The following SLC1A7 variants were observed in gnomAD, a reference collection of about 807,000 sequenced individuals.
The protein encoded by SLC1A7 is solute carrier family 1 member 7.
A neutral mutation model predicts 47.7 loss-of-function variants in SLC1A7; 40 were observed. The ratio of observed to expected loss-of-function variants is 0.84; its 90% CI spans 0.65 to 1.09. The LOEUF is 1.09. Ranked by LOEUF, SLC1A7 falls within the 50% of genes least tolerant of loss-of-function variation. The pLI is 0.00. For missense variants in SLC1A7, 746 were observed against 769.5 expected (o/e 0.97, Z 0.36); for synonymous variants, 323 against 325.6 (o/e 0.99, Z 0.09).
In SLC1A7 at chr1:53,103,558, T is replaced by A. The variant is rs114930372; in HGVS notation, c.485A>T (p.Lys162Met). The A allele has an allele frequency of 0.035, 55,103 of 1,596,862 alleles. 1,138 individuals are homozygous for A. Among genetic ancestry groups the A allele is most frequent in the Middle Eastern group, 0.046 (270 of 5,900 alleles). ...VEATFKQYRT[K>M]TTPVVKSPKV... Reference sequence around the variant, plus strand: ...GGGGGACTTGACAACTGGGGTGGTCTTGGTGCGGTACTGGTGGGTGACACC... The same window carrying A: ...GGGGGACTTGACAACTGGGGTGGTCATGGTGCGGTACTGGTGGGTGACACC... The change falls in exon 5 of 11, where the codon AAG becomes ATG. Residue 162 changes from lysine (K) to methionine (M), a missense_variant. Physicochemically the swap from Lys to Met is moderately conservative, Grantham distance 95. Transcript: ENST00000371494.
rs573818851 is a variant in SLC1A7 at position 53,139,353 on chromosome 1, G to A, written c.135+2962C>T. On this transcript the variant is annotated intron_variant, in intron 1 of 10. Coordinates refer to ENST00000371494, the MANE Select transcript of SLC1A7 (RefSeq NM_006671.6). Reference sequence around the variant, plus strand: ...GCTCAGCTGACAGCGATCTGAAACCGTGCTGGGGACCCCACTCAGACAAGG... The same window carrying A: ...GCTCAGCTGACAGCGATCTGAAACCATGCTGGGGACCCCACTCAGACAAGG... 1.1e-4 allele frequency among the ~76,000 whole-genome samples: 16 copies of A among 152,342 alleles called. No homozygotes were observed. The South Asian group carries it at 2.3e-3, about 22-fold the overall frequency.
At chr1:53,128,069 C>G (rs1480633273) in intron 2 of SLC1A7, among the ~76,000 whole-genome samples, 1 of 152,172 alleles carries the variant, frequency 6.6e-6, no homozygotes, top group East Asian at 1.9e-4. Flanking sequence ...CACAGAGAAC[C>G]AGGAGATAAC....
chr1:53,108,681 C>T (rs1203124786), intron 3 of SLC1A7: 1 of 717,176 alleles, frequency 1.4e-6, no homozygotes, highest in East Asian at 2.7e-5. Flanking sequence ...CTTCATGGAC[C>T]ATGAGACTCA....
rs575918953 is a variant in SLC1A7 at position 53,124,820 on chromosome 1, G to A, written c.215+9530C>T. The stretch of plus-strand genomic sequence containing the variant: ...TCTAGCAGCCTCCCAAGTGCCTTGT[G>A]ACAGGCAAAAGACTTTGCAAACTCT... On this transcript the variant is annotated intron_variant, in intron 2 of 10. Transcript: ENST00000371494. Among the ~76,000 whole-genome samples the A allele has an allele frequency of 6.6e-5, 10 of 152,328 alleles. No homozygotes were observed. In the East Asian group the frequency reaches 1.7e-3, roughly 26 times the overall value.
At chr1:53,106,952 T>C (rs1051743768) in intron 3 of SLC1A7, among the ~76,000 whole-genome samples, 15 of 152,062 alleles carry the variant, frequency 9.9e-5, no homozygotes, top group Admixed American at 5.2e-4. Context: ...GTCAGGAGTT[T>C]GAGACCAGCC....
intron 2 of SLC1A7, among the ~76,000 whole-genome samples, chr1:53,118,910 T>A (rs1449144206): frequency 1.3e-5 from 2 of 152,106 alleles, no homozygotes; most frequent in Non-Finnish European, 1.5e-5. Flanking sequence ...GGCAGGAGAA[T>A]CGCTTGAACC....
chr1:53,099,292 TACCCCGCCTTGATAGACTGACA>T (rs1557671812), intron 5 of SLC1A7, among the ~76,000 whole-genome samples: 3 of 27,790 alleles, frequency 1.1e-4, no homozygotes, highest in African/African-American at 3.2e-4. Flanking sequence ...TACACACACA[TACCCCGCCTTGATAGACTGACA>T]CACACCACCT....
intron 8 of SLC1A7, 185 bp downstream of exon 8, chr1:53,090,427 G>T (rs1247418734): frequency 2.1e-6 from 2 of 958,846 alleles, no homozygotes; most frequent in Non-Finnish European, 1.5e-6. Context: ...TCGCCCTGTG[G>T]CCACCAGCAA....
At position 53,101,394 on chromosome 1, in the gene SLC1A7, C is replaced by T. The variant is rs145105674; in HGVS notation, c.697+1952G>A. On this transcript the variant is annotated intron_variant, in intron 5 of 10. Coordinates refer to ENST00000371494, the MANE Select transcript of SLC1A7 (RefSeq NM_006671.6). ...CTCACACACACTGCCCCATTACACTCACACACACTGCCTTGTTACACTCAC... is the reference window on the plus strand; with the variant it reads ...CTCACACACACTGCCCCATTACACTTACACACACTGCCTTGTTACACTCAC... Among the ~76,000 whole-genome samples, 58 of 151,568 alleles carry T rather than the reference C, an allele frequency of 3.8e-4. 1 individual carries two copies. The highest frequency in any genetic ancestry group is 1.4e-3 in the African/African-American group (56 of 41,270).
chr1:53,099,446 CA>C (rs1170451428), intron 5 of SLC1A7, among the ~76,000 whole-genome samples: 1 of 151,216 alleles, frequency 6.6e-6, no homozygotes, highest in Non-Finnish European at 1.5e-5. Flanking sequence ...TATACTCACA[CA>C]ACCTGCCTCG....
intron 2 of SLC1A7, among the ~76,000 whole-genome samples, chr1:53,125,214 T>C (rs951766787): frequency 3.9e-5 from 6 of 152,220 alleles, no homozygotes; most frequent in African/African-American, 1.4e-4. Context: ...TATACTAATG[T>C]AATGTGAGGC....
rs766106679 is a variant in SLC1A7 at position 53,103,384 on chromosome 1, A to C, written c.659T>G (p.Met220Arg). The C allele has an allele frequency of 6.2e-7, 1 of 1,609,904 alleles. No individual in the cohort carries two copies. The highest frequency in any genetic ancestry group is 8.5e-7 in the Non-Finnish European group (1 of 1,178,686). ...GAAGAAGACGATGCCCAGCACATTC[A>C]TGCCATCGCTGGTGCCCGGCTCTGA... is the stretch of plus-strand genomic sequence containing the variant. ...YKSEPGTSDG[M>R]NVLGIVFFSA... Residue 220 changes from methionine to arginine, a missense_variant, in exon 5 of 11, where the codon ATG (methionine) becomes AGG (arginine). Coordinates refer to ENST00000371494, the MANE Select transcript of SLC1A7 (RefSeq NM_006671.6).
At chr1:53,115,111 C>T in intron 2 of SLC1A7, 138 bp from the exon 3 acceptor site, 3 of 670,122 alleles carry the variant, frequency 4.5e-6, no homozygotes, top group Non-Finnish European at 7.8e-6. Flanking sequence ...ACAATCCAGT[C>T]CTGTGCTCCT....
In SLC1A7 at chr1:53,090,371, C is replaced by T. The variant is rs1644406438; in HGVS notation, c.1226+241G>A. The T allele has an allele frequency of 4.9e-6, 3 of 610,602 alleles. No individual in the cohort carries two copies. The African/African-American group carries it at 5.6e-5, about 11-fold the overall frequency. The allele number at this position is 610,602 out of a possible 1,614,324, so 37.8% of individuals were successfully genotyped here. ...AGCACCCCTTCGTTGGCTCCTGCCA[C>T]ACGGGCGGCCTCTCCAAGGTCCTGA... On this transcript the variant is annotated intron_variant, in intron 8 of 10. Transcript: ENST00000371494.
At chr1:53,123,278 C>T (rs1310591855) in intron 2 of SLC1A7, among the ~76,000 whole-genome samples, 1 of 152,228 alleles carries the variant, frequency 6.6e-6, no homozygotes, top group African/African-American at 2.4e-5. Context: ...GAACTCAGGT[C>T]TCCTGCCTCC....
intron 10 of SLC1A7, 144 bp downstream of exon 10, chr1:53,088,733 G>C (rs2150312473): frequency 1.5e-6 from 1 of 661,616 alleles, no homozygotes; most frequent in Non-Finnish European, 2.7e-6. Context: ...CAGTCATTCT[G>C]TAACGGATGA....
intron 2 of SLC1A7, chr1:53,116,009 T>G (rs1348170604): frequency 6.6e-6 from 1 of 152,222 alleles, no homozygotes; most frequent in Non-Finnish European, 1.5e-5. Flanking sequence ...AAAGGATTTT[T>G]CCCCAAAGCC....
At chr1:53,101,679 C>T (rs1296370291) in intron 5 of SLC1A7, among the ~76,000 whole-genome samples, 1 of 151,550 alleles carries the variant, frequency 6.6e-6, no homozygotes, top group Non-Finnish European at 1.5e-5. Context: ...GGTACACTCA[C>T]AAACCATGTC....
intron 2 of SLC1A7, among the ~76,000 whole-genome samples, chr1:53,132,730 C>T (rs1035193621): frequency 4.5e-5 from 5 of 110,910 alleles, no homozygotes; most frequent in African/African-American, 1.4e-4. Context: ...CCTGTGGTCC[C>T]AGCTACTTGG....
Sources: gnomAD v4.1 joint callset for allele counts (sites outside exome capture counted in the v4.1 genomes callset) on GRCh38, gnomAD v4.1.1 for gene constraint, MANE v1.5 for transcripts, NCBI Gene and HGNC (gene_info 2026-07-23, HGNC 2026-07-21) for gene names.